The following DAB1 variants were observed in gnomAD, a reference collection of about 807,000 sequenced individuals.
The protein encoded by DAB1 is disabled homolog 1.
In DAB1, 15 loss-of-function variants were observed where a neutral mutation model predicts 64.6. That is an observed-to-expected ratio of 0.23 (90% CI 0.16 to 0.36). The LOEUF is 0.36. Ranked by LOEUF, DAB1 falls within the 10% of genes least tolerant of loss-of-function variation. The probability of loss-of-function intolerance (pLI) is 1.00; values close to 1 mark genes in which losing one functional copy is unlikely to be tolerated. For missense variants in DAB1, 596 were observed against 706.7 expected (o/e 0.84, Z 1.78); for synonymous variants, 235 against 251.9 (o/e 0.93, Z 0.64).
intron 6 of DAB1, among the ~76,000 whole-genome samples, chr1:57,759,635 G>T (rs1421599074): frequency 6.6e-6 from 1 of 152,128 alleles, no homozygotes; most frequent in Non-Finnish European, 1.5e-5. Context: ...ATTGCAGGGG[G>T]ATGCCACTGA....
intron 6 of DAB1, among the ~76,000 whole-genome samples, chr1:57,739,290 C>A (rs145064159): frequency 3.3e-5 from 5 of 152,012 alleles, no homozygotes; most frequent in Non-Finnish European, 7.4e-5. Flanking sequence ...TGACTTCACA[C>A]CTTTGCTCAT....
chr1:57,331,970 GT>G (rs547204614), intron 1 of DAB1, among the ~76,000 whole-genome samples: 154 of 152,254 alleles, frequency 1.0e-3, no homozygotes, highest in African/African-American at 3.6e-3. Context: ...TTGCTTGTTT[GT>G]TTGTTTTTTA....
chr1:57,430,570 G>T (rs959548785), intron 7 of DAB1, among the ~76,000 whole-genome samples: 29 of 151,884 alleles, frequency 1.9e-4, no homozygotes, highest in Admixed American at 1.7e-3. Flanking sequence ...GCAGAGACGG[G>T]GTTTCACCGT....
chr1:57,890,456 C>CTTTTTTTTTTTTTTT (rs71246207), intron 5 of DAB1, among the ~76,000 whole-genome samples: 14 of 136,614 alleles, frequency 1.0e-4, no homozygotes, highest in South Asian at 2.3e-4. Context: ...CTTTTCTTTT[C>CTTTTTTTTTTTTTTT]TTTTTTTTTT....
intron 7 of DAB1, among the ~76,000 whole-genome samples, chr1:57,518,717 C>G (rs964804533): frequency 1.3e-5 from 2 of 152,216 alleles, no homozygotes; most frequent in Non-Finnish European, 2.9e-5. Flanking sequence ...CACACAAGAA[C>G]TCTCAACCCA....
At chr1:58,400,079 C>T (rs888457573) in intron 3 of DAB1, among the ~76,000 whole-genome samples, 2 of 151,872 alleles carry the variant, frequency 1.3e-5, no homozygotes, top group African/African-American at 4.8e-5. Flanking sequence ...AGAGTGCAGC[C>T]AGCCCTTTAA....
At chr1:57,346,449 C>A (rs187086494) in intron 1 of DAB1, among the ~76,000 whole-genome samples, 14 of 152,298 alleles carry the variant, frequency 9.2e-5, no homozygotes, top group African/African-American at 2.9e-4. Context: ...TCTCAGGAGA[C>A]CTTCCTGGCC....
intron 7 of DAB1, among the ~76,000 whole-genome samples, chr1:57,462,016 C>G (rs557021440): frequency 3.5e-5 from 5 of 142,308 alleles, no homozygotes; most frequent in South Asian, 2.2e-4. Flanking sequence ...TGCAATGGCA[C>G]GATCTTGGCT....
At chr1:58,153,133 T>C (rs556248250) in intron 4 of DAB1, among the ~76,000 whole-genome samples, 3 of 152,338 alleles carry the variant, frequency 2.0e-5, no homozygotes, top group East Asian at 3.9e-4. Context: ...TGTCAAACCC[T>C]ACCTGTCCAT....
At chr1:57,889,020 T>C (rs1387184087), upstream of DAB1, among the ~76,000 whole-genome samples, 1 of 152,196 alleles carries the variant, frequency 6.6e-6, no homozygotes, top group Non-Finnish European at 1.5e-5. Context: ...TGGCAGTGCC[T>C]GAGCTCAGAA....
intron 6 of DAB1, among the ~76,000 whole-genome samples, chr1:57,795,654 T>G (rs1344641015): frequency 1.5e-5 from 2 of 137,552 alleles, no homozygotes; most frequent in African/African-American, 5.4e-5. Flanking sequence ...TTACTTATAC[T>G]CTTCAAAATA....
intron 5 of DAB1, among the ~76,000 whole-genome samples, chr1:58,057,917 C>G (rs1275585699): frequency 6.6e-6 from 1 of 151,950 alleles, no homozygotes; most frequent in Non-Finnish European, 1.5e-5. Context: ...GCCATTCCTC[C>G]CATTGTGCTA....
chr1:57,033,171 T>TAC (rs141683665), intron 9 of DAB1, among the ~76,000 whole-genome samples: 5,411 of 149,028 alleles, frequency 0.036, 295 homozygotes, highest in African/African-American at 0.12. Context: ...CACTTTTGTT[T>TAC]ACACACACAC....
chr1:58,141,442 C>T (rs529126785), intron 5 of DAB1, among the ~76,000 whole-genome samples: 1 of 152,220 alleles, frequency 6.6e-6, no homozygotes, highest in African/African-American at 2.4e-5. Context: ...CAGGTCCCTC[C>T]CATGATATGT....
intron 4 of DAB1, among the ~76,000 whole-genome samples, chr1:57,083,326 A>G (rs1410873754): frequency 6.6e-6 from 1 of 152,146 alleles, no homozygotes; most frequent in East Asian, 1.9e-4. Context: ...ATGTACTTTA[A>G]TGGCCTATAT....
At chr1:58,427,491 T>A (rs1390959028) in intron 3 of DAB1, among the ~76,000 whole-genome samples, 1 of 151,692 alleles carries the variant, frequency 6.6e-6, no homozygotes, top group Non-Finnish European at 1.5e-5. Flanking sequence ...TTAATTCAGG[T>A]GAGAGGTGCT....
At chr1:58,422,292 C>A (rs1364156609) in intron 3 of DAB1, among the ~76,000 whole-genome samples, 2 of 151,650 alleles carry the variant, frequency 1.3e-5, no homozygotes, top group Admixed American at 1.3e-4. Flanking sequence ...AGTAAGCACT[C>A]CATGTTATCT....
chr1:58,175,435 C>T (rs965684590), intron 4 of DAB1, among the ~76,000 whole-genome samples: 13 of 152,178 alleles, frequency 8.5e-5, no homozygotes, highest in African/African-American at 2.2e-4. Flanking sequence ...TTCTTGAAGT[C>T]GGCAAGACCA....
upstream of DAB1, among the ~76,000 whole-genome samples, chr1:57,427,301 T>G (rs1685327985): frequency 6.6e-6 from 1 of 152,206 alleles, no homozygotes; most frequent in Non-Finnish European, 1.5e-5. Flanking sequence ...GGCACTGTGG[T>G]AGGCATTGGG....
Sources: gnomAD v4.1 joint callset for allele counts (sites outside exome capture counted in the v4.1 genomes callset) on GRCh38, gnomAD v4.1.1 for gene constraint, MANE v1.5 for transcripts, NCBI Gene and HGNC (gene_info 2026-07-23, HGNC 2026-07-21) for gene names.